CKAP2: variants seen among roughly 807,000 people sequenced by gnomAD.
CKAP2 encodes the protein cytoskeleton-associated protein 2.
Under a neutral mutation model 58.4 loss-of-function variants are expected in CKAP2, and 46 were observed. The ratio of observed to expected loss-of-function variants is 0.79; its 90% CI spans 0.62 to 1.01. The LOEUF (loss-of-function observed/expected upper bound fraction) is 1.01, where lower values mean the gene tolerates loss of function less well. Among genes scored for constraint, CKAP2 ranks in the 50% least tolerant of loss-of-function variants. CKAP2 has a pLI of 0.00. For missense variants in CKAP2, 809 were observed against 796.4 expected (o/e 1.02, Z -0.19); for synonymous variants, 293 against 280.9 (o/e 1.04, Z -0.43).
intron 7 of CKAP2, among the ~76,000 whole-genome samples, chr13:52,469,721 C>T (rs1427685828): frequency 2.0e-5 from 3 of 149,986 alleles, no homozygotes; most frequent in Non-Finnish European, 3.0e-5. Flanking sequence ...CTCAGCCTCC[C>T]GAGTAGCTGG....
intron 2 of CKAP2, among the ~76,000 whole-genome samples, chr13:52,458,857 CAAA>C (rs900395744): frequency 5.1e-5 from 5 of 98,462 alleles, no homozygotes; most frequent in Admixed American, 1.1e-4. Context: ...GACTTTGTCT[CAAA>C]AAAAAAAAAA....
At position 52,468,303 on chromosome 13, in the gene CKAP2, T is replaced by TTA; in HGVS notation, c.1503_1504insAT (p.Val502MetfsTer2). 1 of 1,601,692 alleles carries TTA rather than the reference T, an allele frequency of 6.2e-7. No homozygotes were observed. Among genetic ancestry groups the TTA allele is most frequent in the African/African-American group, 1.3e-5 (1 of 74,496 alleles). ...CCTATTGAAGAGATGCGACACACGA[T>TTA]TGTAGATATTCTAACAATGAAGAGT... is the stretch of plus-strand genomic sequence containing the variant. On this transcript the variant is annotated frameshift_variant, in exon 7 of 9. Coordinates refer to ENST00000258607, the MANE Select transcript of CKAP2 (RefSeq NM_018204.5). LOFTEE classifies it high-confidence loss of function.
At position 52,473,801 on chromosome 13, in the gene CKAP2, G is replaced by A. The variant is rs114029778; in HGVS notation, c.1547-28G>A. On this transcript the variant is annotated intron_variant, in intron 7 of 8. Coordinates refer to ENST00000258607, the MANE Select transcript of CKAP2 (RefSeq NM_018204.5). ...TTTTGTTCTTAAAATTCAGCCAAAA[G>A]CTTAATCTATAAATGTATTTTCTAT... The A allele has an allele frequency of 3.9e-3, 6,053 of 1,560,606 alleles. 199 individuals are homozygous for A. In the African/African-American group the frequency reaches 0.069, roughly 18 times the overall value.
At chr13:52,467,186 T>G (rs1267432415) in intron 6 of CKAP2, among the ~76,000 whole-genome samples, 3 of 151,956 alleles carry the variant, frequency 2.0e-5, no homozygotes, top group Non-Finnish European at 4.4e-5. Flanking sequence ...ACTAAGACTG[T>G]GAATTACACC....
At chr13:52,458,928 C>T (rs747187620) in intron 2 of CKAP2, among the ~76,000 whole-genome samples, 1 of 151,622 alleles carries the variant, frequency 6.6e-6, no homozygotes, top group Non-Finnish European at 1.5e-5. Flanking sequence ...TTAAATAAGA[C>T]AACCAACCTG....
chr13:52,469,629 G>A (rs369416086), intron 7 of CKAP2, among the ~76,000 whole-genome samples: 3 of 141,936 alleles, frequency 2.1e-5, no homozygotes, highest in East Asian at 2.0e-4. Context: ...TCGCTCTGTC[G>A]CCCAGGCCAG....
In CKAP2 at chr13:52,456,644, T is replaced by C. The variant is rs201667638; in HGVS notation, c.155+37T>C. 8 of 1,467,312 alleles carry C rather than the reference T, an allele frequency of 5.5e-6. No homozygotes were observed. In the South Asian group the frequency reaches 9.2e-5, roughly 17 times the overall value. 90.9% of individuals were successfully genotyped at this position (1,467,312 alleles called of 1,614,324 possible). A position where few individuals can be genotyped will look rare whatever the true frequency, so the allele number is the denominator to read the frequency against. On this transcript the variant is annotated intron_variant, in intron 2 of 8. Transcript: ENST00000258607. Reference sequence around the variant, plus strand: ...TTTATTTCTTTTCACTTCTGTAAAATTGTATCAGATCTGTCCAATGAAAAT... The same window carrying C: ...TTTATTTCTTTTCACTTCTGTAAAACTGTATCAGATCTGTCCAATGAAAAT...
chr13:52,474,127 GATAATAAATAACGGC>G (rs1410993023), intron 8 of CKAP2, 43 bp downstream of exon 8: 2 of 1,554,190 alleles, frequency 1.3e-6, no homozygotes, highest in Non-Finnish European at 1.7e-6. Context: ...CATGCTTGGA[GATAATAAATAACGGC>G]ATTTAAAAAT....
chr13:52,461,915 G>A lies in CKAP2; in HGVS notation c.1089G>A (p.Ser363=), dbSNP rs778882235. Residue 363 remains serine, a synonymous_variant, in exon 4 of 9, where the codon TCG becomes TCA. Coordinates refer to ENST00000258607, the MANE Select transcript of CKAP2 (RefSeq NM_018204.5). ...GATCAGCTCAGCCCAAAGAAACCTCGGAAGAGAGAAAGTAAGTAGATATAA... is the reference window on the plus strand; with the variant it reads ...GATCAGCTCAGCCCAAAGAAACCTCAGAAGAGAGAAAGTAAGTAGATATAA... ...DSRSAQPKET[S]EERKARLSEW... 48 of 1,590,122 alleles carry A rather than the reference G, an allele frequency of 3.0e-5. No individual in the cohort carries two copies. In the South Asian group the frequency reaches 5.1e-4, roughly 17 times the overall value.
chr13:52,465,045 C>T (rs183748944), intron 5 of CKAP2, among the ~76,000 whole-genome samples: 6 of 152,176 alleles, frequency 3.9e-5, no homozygotes, highest in East Asian at 1.9e-4. Flanking sequence ...AAAAAAACTC[C>T]GCAGACTATT....
At chr13:52,469,152 A>T (rs562435209) in intron 7 of CKAP2, among the ~76,000 whole-genome samples, 7 of 152,084 alleles carry the variant, frequency 4.6e-5, no homozygotes, top group African/African-American at 1.4e-4. Context: ...TATCTTTTTA[A>T]ATTTTTAAAA....
At chr13:52,464,419 G>T (rs1160900287) in intron 5 of CKAP2, among the ~76,000 whole-genome samples, 1 of 152,074 alleles carries the variant, frequency 6.6e-6, no homozygotes, top group Non-Finnish European at 1.5e-5. Flanking sequence ...TGGGCATGGA[G>T]GCGGGTGCCT....
At chr13:52,472,638 A>T (rs780839017) in intron 7 of CKAP2, among the ~76,000 whole-genome samples, 37 of 152,294 alleles carry the variant, frequency 2.4e-4, no homozygotes, top group Non-Finnish European at 4.1e-4. Context: ...TTTCTCCCAA[A>T]AAAGAAAAGA....
chr13:52,474,977 C>T lies in CKAP2; in HGVS notation c.1885C>T (p.Arg629Cys), dbSNP rs747309190. 51 of 1,614,020 alleles carry T rather than the reference C, an allele frequency of 3.2e-5. No homozygotes were observed. Among genetic ancestry groups the T allele is most frequent in the Non-Finnish European group, 4.1e-5 (48 of 1,180,006 alleles). The change falls in exon 9 of 9, where the codon CGT becomes TGT. Residue 629 changes from arginine to cysteine, a missense_variant. Arg to Cys is a radical substitution (Grantham distance 180, BLOSUM62 -3). Around this residue, in one of 3 missense-constraint regions of CKAP2, gnomAD observed 283 missense variants for 287.6 expected, o/e 0.98. Transcript: ENST00000258607. ...TTTAACACCAGTGAGACGTTCTCGA[C>T]GTCTTCAAGAGAAAACTTCTAAATT... is the stretch of plus-strand genomic sequence containing the variant. The part of the protein sequence containing the change: ...KFLTPVRRSR[R>C]LQEKTSKLPD...
chr13:52,469,690 G>A lies in CKAP2; in HGVS notation c.1546+1343G>A, dbSNP rs573798085. Among the ~76,000 whole-genome samples, 28 of 148,608 alleles carry A rather than the reference G, an allele frequency of 1.9e-4. No individual in the cohort carries two copies. In the Middle Eastern group the frequency reaches 0.01, roughly 55 times the overall value. On this transcript the variant is annotated intron_variant, in intron 7 of 8. Transcript: ENST00000258607. ...CGGCTCACTGCAAGCTCCGCCTCCCGGGTTCACGCCATTCTCCTGCCTCAG... is the reference window on the plus strand; with the variant it reads ...CGGCTCACTGCAAGCTCCGCCTCCCAGGTTCACGCCATTCTCCTGCCTCAG...
In CKAP2 at chr13:52,462,575, CTT is replaced by C; in HGVS notation, c.1305+10_1305+11del. 6.2e-7 allele frequency: 1 copy of C among 1,600,190 alleles called. No homozygotes were observed. The highest frequency in any genetic ancestry group is 8.5e-7 in the Non-Finnish European group (1 of 1,173,046). On this transcript the variant is annotated intron_variant, in intron 5 of 8. Transcript: ENST00000258607. The stretch of plus-strand genomic sequence containing the variant: ...CTGAACTTGATTAATGAGGTAGAGT[CTT>C]TATATTTGCTTAGCATTTTATAGTT...
chr13:52,469,451 T>C (rs1958727512), intron 7 of CKAP2, among the ~76,000 whole-genome samples: 1 of 152,206 alleles, frequency 6.6e-6, no homozygotes, highest in African/African-American at 2.4e-5. Flanking sequence ...AAGAGATTCA[T>C]TAGTTGCCAG....
chr13:52,462,280 A>G, intron 4 of CKAP2, 83 bp from the exon 5 acceptor site: 1 of 1,265,470 alleles, frequency 7.9e-7, no homozygotes, highest in Non-Finnish European at 1.1e-6. Flanking sequence ...ATTACTTAAA[A>G]ATATGATTTT....
rs9568736 is a variant in CKAP2, at chr13:52,465,613, A to G, written c.1476+148A>G. 1.6e-3 allele frequency: 1,165 copies of G among 711,372 alleles called. 20 individuals are homozygous for G. The East Asian group carries it at 0.028, about 17-fold the overall frequency. The allele number at this position is 711,372 out of a possible 1,614,324, so 44.1% of individuals were successfully genotyped here. On this transcript the variant is annotated intron_variant, in intron 6 of 8. Transcript: ENST00000258607. The stretch of plus-strand genomic sequence containing the variant: ...TAAAGGCTGCAAGGATTGCATTATA[A>G]AAGCTGTTTGTTGGCTTTCTAAGTC...
Sources: allele counts gnomAD v4.1 joint callset (sites outside exome capture counted in the v4.1 genomes callset), GRCh38; gene constraint gnomAD v4.1.1; regional missense constraint gnomAD v4.1.1; transcripts MANE v1.5; gene names NCBI Gene and HGNC (gene_info 2026-07-23, HGNC 2026-07-21).